FAM3B: variants seen among roughly 807,000 people sequenced by gnomAD.
The protein encoded by FAM3B is protein FAM3B.
Under a neutral mutation model 28.4 loss-of-function variants are expected in FAM3B, and 29 were observed. That is an observed-to-expected ratio of 1.02 (90% CI 0.76 to 1.39). FAM3B has a LOEUF of 1.39. Ranked by LOEUF, FAM3B falls within the 40% of genes most tolerant of loss-of-function variation. FAM3B has a pLI of 0.00. For synonymous variants in FAM3B, 91 were observed against 103.0 expected (o/e 0.88, Z 0.71); for missense variants, 266 against 293.9 (o/e 0.91, Z 0.69).
At chr21:41,321,538 T>G (rs907885288) in intron 1 of FAM3B, among the ~76,000 whole-genome samples, 1 of 152,222 alleles carries the variant, frequency 6.6e-6, no homozygotes, top group African/African-American at 2.4e-5. Context: ...CACACTGCCT[T>G]GGGCCTCTCC....
At chr21:41,313,755 C>T (rs551506812), upstream of FAM3B, among the ~76,000 whole-genome samples, 13 of 152,098 alleles carry the variant, frequency 8.5e-5, no homozygotes, top group East Asian at 2.3e-3. Context: ...GTATGCATGT[C>T]GCATTTGAGA....
Position 41,326,157 on chromosome 21 carries a change from G to A in FAM3B, c.163+3091G>A, listed in dbSNP as rs2088853147. Among the ~76,000 whole-genome samples, 1 of 152,194 alleles carries A rather than the reference G, an allele frequency of 6.6e-6. No homozygotes were observed. The highest frequency in any genetic ancestry group is 2.4e-5 in the African/African-American group (1 of 41,434). ...AACTTTACCTTTTGATTGTTTGGGG[G>A]AAGGAATTTCAGGAAAAGCACTGAA... On this transcript the variant is annotated intron_variant, in intron 2 of 7. Transcript: ENST00000357985. This position sits in a 1 kb window ranked among gnomAD's most constrained non-coding sequence, Gnocchi z 4.0.
chr21:41,338,965 A>G (rs745776140), intron 3 of FAM3B, among the ~76,000 whole-genome samples: 17 of 152,328 alleles, frequency 1.1e-4, no homozygotes, highest in Middle Eastern at 3.4e-3. Context: ...TTTACTTTGA[A>G]TATGTGGCAA....
intron 1 of FAM3B, among the ~76,000 whole-genome samples, chr21:41,310,232 C>T (rs977281940): frequency 1.3e-5 from 2 of 152,042 alleles, no homozygotes; most frequent in African/African-American, 4.8e-5. Context: ...CACAATGAGC[C>T]TCACCCCACC....
chr21:41,310,113 T>G lies in FAM3B; in HGVS notation n.99+5803T>G, dbSNP rs75503273. ...TGGGAGTTTCTACCCAAAGGCAGCC[T>G]TGCTCAGCCTCAACATCTTCCTTGT... On this transcript the variant is annotated intron_variant and non_coding_transcript_variant, in intron 1 of 9. Coordinates refer to the FAM3B transcript ENST00000479810. Among the ~76,000 whole-genome samples the G allele has an allele frequency of 3.7e-3, 563 of 152,310 alleles. 4 individuals are homozygous for G. Among genetic ancestry groups the G allele is most frequent in the African/African-American group, 0.013 (547 of 41,560 alleles).
chr21:41,357,042 T>C, intron 7 of FAM3B, 66 bp from the exon 8 acceptor site: 3 of 1,238,778 alleles, frequency 2.4e-6, no homozygotes, highest in Non-Finnish European at 3.4e-6. Context: ...GGCTCACAAC[T>C]GATACTGATT....
intron 3 of FAM3B, 65 bp downstream of exon 3, chr21:41,338,566 T>C: frequency 6.3e-7 from 1 of 1,594,302 alleles, no homozygotes; most frequent in African/African-American, 1.3e-5. Context: ...TCCCTGAGGC[T>C]GACCAAGCAG....
At chr21:41,334,908 G>T (rs2088940223) in intron 2 of FAM3B, among the ~76,000 whole-genome samples, 2 of 152,250 alleles carry the variant, frequency 1.3e-5, no homozygotes, top group Admixed American at 1.3e-4. Flanking sequence ...AAGGCCTTGA[G>T]AGTCCACCCC....
upstream of FAM3B, among the ~76,000 whole-genome samples, chr21:41,312,120 T>G (rs551129028): frequency 6.6e-6 from 1 of 152,218 alleles, no homozygotes; most frequent in African/African-American, 2.4e-5. Context: ...TTATGGGAGC[T>G]ACAAGGTGAG....
At chr21:41,344,676 AT>A in intron 4 of FAM3B, 142 bp downstream of exon 4, 1 of 628,510 alleles carries the variant, frequency 1.6e-6, no homozygotes, top group Non-Finnish European at 2.8e-6. Flanking sequence ...ATACTCAATT[AT>A]TTTTACAAGT....
Position 41,357,168 on chromosome 21 carries a change from G to T in FAM3B, c.679G>T (p.Glu227Ter). The change falls in exon 8 of 8, where the codon GAA (glutamate) becomes TAA (stop). Residue 227 changes from glutamate to a stop codon, truncating the protein, a stop_gained. Transcript: ENST00000357985. LOFTEE classifies it high-confidence loss of function. Reference sequence around the variant, plus strand: ...TGGCTGGCCTGCAGAGATCCAGATAGAAGGCTGCATACCCAAAGAACGAAG... The same window carrying T: ...TGGCTGGCCTGCAGAGATCCAGATATAAGGCTGCATACCCAAAGAACGAAG... ...YSGWPAEIQI[E>*]GCIPKERS is the part of the protein sequence containing the mutation. 1 of 1,613,638 alleles carries T rather than the reference G, an allele frequency of 6.2e-7. No individual in the cohort carries two copies. The highest frequency in any genetic ancestry group is 8.5e-7 in the Non-Finnish European group (1 of 1,179,770).
chr21:41,316,740 C>G (rs749799449), upstream of FAM3B: 64 of 777,130 alleles, frequency 8.2e-5, no homozygotes, highest in Non-Finnish European at 1.1e-4. Flanking sequence ...GCCATTTGCC[C>G]GACTGGCCGC....
intron 7 of FAM3B, among the ~76,000 whole-genome samples, chr21:41,351,244 G>C (rs537210709): frequency 1.3e-5 from 2 of 152,324 alleles, no homozygotes; most frequent in South Asian, 4.2e-4. Flanking sequence ...TCTGGAGCAG[G>C]AGAAATCAAG....
intron 2 of FAM3B, among the ~76,000 whole-genome samples, chr21:41,333,444 A>C (rs2088925222): frequency 6.6e-6 from 1 of 152,100 alleles, no homozygotes; most frequent in African/African-American, 2.4e-5. Context: ...TTGTTCAAAA[A>C]TGTGTGGTAC....
chr21:41,344,575 C>G, intron 4 of FAM3B, 41 bp downstream of exon 4: 1 of 1,567,156 alleles, frequency 6.4e-7, no homozygotes, highest in Non-Finnish European at 8.8e-7. Context: ...TCTAAAAGCT[C>G]TCTGGTCAGA....
At chr21:41,323,097 C>T (rs755967804) in intron 2 of FAM3B, 31 bp downstream of exon 2, 2 of 1,596,938 alleles carry the variant, frequency 1.3e-6, no homozygotes, top group South Asian at 2.2e-5. Context: ...AGACGGCTGC[C>T]TTCATGGCTT....
At chr21:41,355,587 G>A (rs545664960) in intron 7 of FAM3B, among the ~76,000 whole-genome samples, 1 of 142,876 alleles carries the variant, frequency 7.0e-6, no homozygotes, top group African/African-American at 2.5e-5. Flanking sequence ...AAACACAAAA[G>A]GTCACATATT....
chr21:41,321,884 A>G (rs1348356182), intron 1 of FAM3B, among the ~76,000 whole-genome samples: 1 of 152,118 alleles, frequency 6.6e-6, no homozygotes, highest in Non-Finnish European at 1.5e-5. Context: ...TTCAGACTTG[A>G]CATTCCCTTC....
chr21:41,351,121 C>G (rs190812133), intron 7 of FAM3B, among the ~76,000 whole-genome samples: 1 of 152,346 alleles, frequency 6.6e-6, no homozygotes, highest in East Asian at 1.9e-4. Context: ...ATGTTAACAT[C>G]TCATCAAACA....
Sources: gnomAD v4.1 joint callset for allele counts (sites outside exome capture counted in the v4.1 genomes callset) on GRCh38, gnomAD v4.1.1 for gene constraint, Gnocchi (gnomAD v3.1) non-coding constraint, MANE v1.5 for transcripts, NCBI Gene and HGNC (gene_info 2026-07-23, HGNC 2026-07-21) for gene names.